The following REEP1 variants were observed in gnomAD, a reference collection of about 807,000 sequenced individuals.
The protein encoded by REEP1 is receptor accessory protein 1.
Under a neutral mutation model 40.3 loss-of-function variants are expected in REEP1, and 22 were observed. The ratio of observed to expected loss-of-function variants is 0.55; its 90% CI spans 0.39 to 0.78. The LOEUF (loss-of-function observed/expected upper bound fraction) is 0.78, where lower values mean the gene tolerates loss of function less well. REEP1 is among the 30% of genes least tolerant of loss of function. The probability of loss-of-function intolerance (pLI) is 0.00; values close to 1 mark genes in which losing one functional copy is unlikely to be tolerated. For synonymous variants in REEP1, 116 were observed against 139.2 expected, an observed-to-expected ratio of 0.83 and a Z score of 1.17; for missense variants, 280 against 361.1, an observed-to-expected ratio of 0.78 and a Z score of 1.82.
At chr2:86,257,370 A>G (rs1263059203) in intron 3 of REEP1, among the ~76,000 whole-genome samples, 4 of 152,094 alleles carry the variant, frequency 2.6e-5, no homozygotes, top group African/African-American at 9.6e-5. Context: ...AAAGGAGTAT[A>G]CAACGAAGAG....
At chr2:86,266,747 C>T (rs1460515275) in intron 2 of REEP1, among the ~76,000 whole-genome samples, 2 of 151,432 alleles carry the variant, frequency 1.3e-5, no homozygotes, top group African/African-American at 2.4e-5. Flanking sequence ...GTGGCTCACG[C>T]CTGTAATCCC....
At chr2:86,328,051 A>G (rs1417093679) in intron 1 of REEP1, among the ~76,000 whole-genome samples, 3 of 152,126 alleles carry the variant, frequency 2.0e-5, no homozygotes, top group Admixed American at 6.5e-5. Flanking sequence ...ACTTGCTGAG[A>G]GCCTGGATTC....
At chr2:86,242,572 A>C (rs1675722203) in intron 5 of REEP1, among the ~76,000 whole-genome samples, 1 of 152,196 alleles carries the variant, frequency 6.6e-6, no homozygotes, top group South Asian at 2.1e-4. Context: ...ACAGAGGCAG[A>C]TGAAGCACCA....
At chr2:86,280,487 A>T (rs1407604011) in intron 2 of REEP1, among the ~76,000 whole-genome samples, 1 of 152,244 alleles carries the variant, frequency 6.6e-6, no homozygotes, top group Non-Finnish European at 1.5e-5. Context: ...ATTAGACCTT[A>T]TACCACAGTG....
chr2:86,229,997 G>A (rs538710715), intron 6 of REEP1, among the ~76,000 whole-genome samples: 41 of 152,300 alleles, frequency 2.7e-4, no homozygotes, highest in African/African-American at 9.1e-4. Flanking sequence ...TCCCTGCTGG[G>A]TTGCACCTTT....
rs148076607 is a variant in REEP1, at chr2:86,225,113, G to A, written c.631+2250C>T. 2.7e-3 allele frequency among the ~76,000 whole-genome samples: 411 copies of A among 152,320 alleles called. 1 individual carries two copies. Among genetic ancestry groups the A allele is most frequent in the African/African-American group, 9.3e-3 (387 of 41,570 alleles). On this transcript the variant is annotated intron_variant, in intron 7 of 8. Coordinates refer to ENST00000538924, the MANE Select transcript of REEP1 (RefSeq NM_001371279.1). The stretch of plus-strand genomic sequence containing the variant: ...AGGCCAGCGTCTAGTGCCCGGTGCT[G>A]GAAACAGCTGAACGCAGCCCCTTCA...
chr2:86,261,800 C>T (rs1355944428), intron 3 of REEP1, among the ~76,000 whole-genome samples: 4 of 152,214 alleles, frequency 2.6e-5, no homozygotes, highest in African/African-American at 7.2e-5. Context: ...ATCTGTCTCC[C>T]GCCCATCCCT....
chr2:86,256,918 G>A (rs1676593344), intron 3 of REEP1, among the ~76,000 whole-genome samples: 1 of 152,142 alleles, frequency 6.6e-6, no homozygotes, highest in Non-Finnish European at 1.5e-5. Context: ...GCAAGTCACT[G>A]GAGGGCCCTT....
At chr2:86,283,589 C>T (rs1324157443) in intron 1 of REEP1, among the ~76,000 whole-genome samples, 1 of 152,172 alleles carries the variant, frequency 6.6e-6, no homozygotes, top group African/African-American at 2.4e-5. Flanking sequence ...GCACTGTTGC[C>T]AGGGAACACC....
chr2:86,303,212 G>GTT (rs35002382), intron 1 of REEP1, among the ~76,000 whole-genome samples: 22 of 69,032 alleles, frequency 3.2e-4, no homozygotes, highest in Non-Finnish European at 3.7e-4. Flanking sequence ...CCGGCTAATT[G>GTT]TTTTTTTTTT....
intron 6 of REEP1, among the ~76,000 whole-genome samples, chr2:86,231,080 G>A (rs1008794943): frequency 6.6e-5 from 10 of 152,204 alleles, no homozygotes; most frequent in African/African-American, 2.2e-4. Context: ...ACTGGCCCCG[G>A]AGTCAGAAGG....
At chr2:86,290,305 G>A (rs1678627502) in intron 1 of REEP1, among the ~76,000 whole-genome samples, 1 of 152,176 alleles carries the variant, frequency 6.6e-6, no homozygotes, top group Admixed American at 6.5e-5. Context: ...TTGACTCCAA[G>A]AATGTGAAGG....
chr2:86,305,052 TGGTACCTAGACGA>T (rs968438409), intron 1 of REEP1, among the ~76,000 whole-genome samples: 1 of 152,000 alleles, frequency 6.6e-6, no homozygotes, highest in Non-Finnish European at 1.5e-5. Flanking sequence ...AGCTTACCAT[TGGTACCTAGACGA>T]GGTACCTTGT....
intron 1 of REEP1, among the ~76,000 whole-genome samples, chr2:86,304,452 A>G (rs2104465748): frequency 6.6e-6 from 1 of 152,274 alleles, no homozygotes; most frequent in Admixed American, 6.5e-5. Flanking sequence ...GGGACTTTAA[A>G]GCTTATCTAC....
chr2:86,226,695 C>A (rs1674728309), intron 7 of REEP1, among the ~76,000 whole-genome samples: 1 of 150,524 alleles, frequency 6.6e-6, no homozygotes, highest in Admixed American at 6.6e-5. Flanking sequence ...GTCTCGAACT[C>A]CTGGGCTCAA....
intron 7 of REEP1, among the ~76,000 whole-genome samples, chr2:86,223,294 G>T (rs1366486865): frequency 6.6e-6 from 1 of 152,240 alleles, no homozygotes; most frequent in Non-Finnish European, 1.5e-5. Flanking sequence ...AAGGGAGGGA[G>T]GGAGAAACTG....
intron 4 of REEP1, 87 bp downstream of exon 4, chr2:86,254,607 G>A (rs1574039313): frequency 7.0e-7 from 1 of 1,434,268 alleles, no homozygotes; most frequent in Non-Finnish European, 9.7e-7. Context: ...CAAATGAGAA[G>A]TCTCCTGCAA....
At chr2:86,283,630 G>A (rs886851653) in intron 1 of REEP1, among the ~76,000 whole-genome samples, 4 of 152,230 alleles carry the variant, frequency 2.6e-5, no homozygotes, top group African/African-American at 9.6e-5. Flanking sequence ...GGTTTCCAGG[G>A]AAAACAAAGT....
chr2:86,301,437 T>C (rs1379952209), intron 1 of REEP1, among the ~76,000 whole-genome samples: 2 of 152,232 alleles, frequency 1.3e-5, no homozygotes, highest in Non-Finnish European at 1.5e-5. Context: ...ATGACTTTGA[T>C]TAAGTTACTG....
Sources: allele counts gnomAD v4.1 joint callset (sites outside exome capture counted in the v4.1 genomes callset), GRCh38; gene constraint gnomAD v4.1.1; transcripts MANE v1.5; gene names NCBI Gene and HGNC (gene_info 2026-07-23, HGNC 2026-07-21).